Variants in KMT2C observed in about 807,000 individuals in gnomAD.
The protein encoded by KMT2C is histone-lysine N-methyltransferase 2C.
A neutral mutation model predicts 507.9 loss-of-function variants in KMT2C; 88 were observed. The observed-to-expected ratio is 0.17, with a 90% CI of 0.15 to 0.21. KMT2C has a LOEUF of 0.21. Ranked by LOEUF, KMT2C falls within the 10% of genes least tolerant of loss-of-function variation. The probability of loss-of-function intolerance (pLI) is 1.00; values close to 1 mark genes in which losing one functional copy is unlikely to be tolerated. For missense variants in KMT2C, 4,954 were observed against 5,957.8 expected, an observed-to-expected ratio of 0.83 and a Z score of 5.55; for synonymous variants, 2,049 against 2,080.8, an observed-to-expected ratio of 0.98 and a Z score of 0.42.
At position 152,177,986 on chromosome 7, in the gene KMT2C, A is replaced by G. The variant is rs2129115758; in HGVS notation, c.7467T>C (p.His2489=). Residue 2489 remains histidine (H), a synonymous_variant, in exon 38 of 59, where the codon CAT becomes CAC. Transcript: ENST00000262189. ...AGCGCTCTTGACTCGGCATGGTACC[A>G]TGACTACCTCCTGGAAATCCAAATC... ...GFRFGFPGGS[H]GTMPSQERFL... 2 of 1,339,598 alleles carry G rather than the reference A, an allele frequency of 1.5e-6. No individual in the cohort carries two copies. Among genetic ancestry groups the G allele is most frequent in the Non-Finnish European group, 1.9e-6 (2 of 1,040,918 alleles). The allele number at this position is 1,339,598 out of a possible 1,614,324, so 83.0% of individuals were successfully genotyped here. A position where few individuals can be genotyped will look rare whatever the true frequency, so the allele number is the denominator to read the frequency against.
At chr7:152,241,368 T>A (rs1299522230) in intron 14 of KMT2C, among the ~76,000 whole-genome samples, 5 of 152,248 alleles carry the variant, frequency 3.3e-5, no homozygotes, top group African/African-American at 1.2e-4. Context: ...GCCCAGCTAA[T>A]TTTTGTATTT....
At chr7:152,369,606 C>G (rs988882142) in intron 1 of KMT2C, among the ~76,000 whole-genome samples, 4 of 152,142 alleles carry the variant, frequency 2.6e-5, no homozygotes. Flanking sequence ...TAATGTCGTT[C>G]TGAAAGGAGT....
intron 1 of KMT2C, chr7:152,368,087 T>C: frequency 1.1e-6 from 1 of 911,570 alleles, no homozygotes; most frequent in Non-Finnish European, 1.9e-6. Flanking sequence ...GTTTACCTCT[T>C]GCTGTGGTAA....
At position 152,187,726 on chromosome 7, in the gene KMT2C, A is replaced by G. The variant is rs756219907; in HGVS notation, c.4782T>C (p.Tyr1594=). 16 of 1,613,978 alleles carry G rather than the reference A, an allele frequency of 9.9e-6. No homozygotes were observed. Among genetic ancestry groups the G allele is most frequent in the Non-Finnish European group, 1.4e-5 (16 of 1,179,998 alleles). The change falls in exon 32 of 59, where the codon TAT becomes TAC. Residue 1594 remains tyrosine (Y), a synonymous_variant. Transcript: ENST00000262189. ...GTFSAIAQSS[Y]PDARDKNSAF... ...AATAAGGCTTGTACCTGGCATCAGG[A>G]TAAGAGGATTGTGCAATTGCAGAGA...
At chr7:152,362,601 G>T (rs183502500) in intron 1 of KMT2C, among the ~76,000 whole-genome samples, 25 of 152,212 alleles carry the variant, frequency 1.6e-4, no homozygotes, top group African/African-American at 5.8e-4. Context: ...CACTTTTAAA[G>T]AAATTGGAAA....
intron 14 of KMT2C, among the ~76,000 whole-genome samples, chr7:152,243,966 T>A (rs192780723): frequency 1.3e-5 from 2 of 152,178 alleles, no homozygotes; most frequent in Non-Finnish European, 2.9e-5. Flanking sequence ...TGATGATACA[T>A]ACAGGGTAAA....
chr7:152,394,467 G>A (rs746118560), intron 1 of KMT2C, among the ~76,000 whole-genome samples: 22 of 152,080 alleles, frequency 1.4e-4, no homozygotes, highest in African/African-American at 4.6e-4. Flanking sequence ...ACTGTTCCCC[G>A]CATCAGCAAT....
At chr7:152,241,677 C>G (rs1277455881) in intron 14 of KMT2C, among the ~76,000 whole-genome samples, 3 of 152,154 alleles carry the variant, frequency 2.0e-5, no homozygotes, top group Admixed American at 6.5e-5. Context: ...GCAAAAGATA[C>G]CTAAATTACT....
At chr7:152,159,960 G>A (rs1468282367) in intron 43 of KMT2C, among the ~76,000 whole-genome samples, 1 of 152,132 alleles carries the variant, frequency 6.6e-6, no homozygotes, top group African/African-American at 2.4e-5. Context: ...TTTATGTAAA[G>A]AGCCAGATGA....
At chr7:152,257,123 T>C (rs113276859) in intron 9 of KMT2C, among the ~76,000 whole-genome samples, 3 of 152,176 alleles carry the variant, frequency 2.0e-5, no homozygotes, top group Admixed American at 1.3e-4. Context: ...GCACAGGCCA[T>C]TGGTTGAGTA....
At chr7:152,390,165 T>C (rs1189171643) in intron 1 of KMT2C, among the ~76,000 whole-genome samples, 1 of 152,114 alleles carries the variant, frequency 6.6e-6, no homozygotes, top group African/African-American at 2.4e-5. Flanking sequence ...CATTACATAA[T>C]CTAGCCATGT....
At chr7:152,375,802 G>A (rs2097324944) in intron 1 of KMT2C, among the ~76,000 whole-genome samples, 1 of 152,086 alleles carries the variant, frequency 6.6e-6, no homozygotes, top group African/African-American at 2.4e-5. Flanking sequence ...ATCTGTGATA[G>A]TGATCTACGA....
At chr7:152,330,170 G>GA (rs2096868836) in intron 3 of KMT2C, among the ~76,000 whole-genome samples, 1 of 64,846 alleles carries the variant, frequency 1.5e-5, no homozygotes, top group Non-Finnish European at 3.8e-5. Flanking sequence ...GAGGGGTGGT[G>GA]GGGGGGGGGA....
At chr7:152,218,591 C>T (rs1396171755) in intron 23 of KMT2C, among the ~76,000 whole-genome samples, 1 of 152,194 alleles carries the variant, frequency 6.6e-6, no homozygotes, top group Non-Finnish European at 1.5e-5. Context: ...GAGTGTTCCT[C>T]TTAAAATATA....
chr7:152,140,535 T>C (rs2129090452), intron 55 of KMT2C, among the ~76,000 whole-genome samples: 1 of 152,302 alleles, frequency 6.6e-6, no homozygotes, highest in Non-Finnish European at 1.5e-5. Flanking sequence ...TAAATAGTTG[T>C]ATTTTCTTGT....
rs2129103910 is a variant in KMT2C at position 152,162,646 on chromosome 7, G to A, written c.10931C>T (p.Pro3644Leu). Residue 3644 changes from proline to leucine, a missense_variant, in exon 43 of 59, where the codon CCT (proline) becomes CTT (leucine). Physicochemically the swap from Pro to Leu is moderately conservative, Grantham distance 98 (BLOSUM62 -3). Transcript: ENST00000262189. ...TPGISETTST[P>L]AVSTPSELPQ... ...AAGCTCACTGGGTGTGCTCACTGCAGGAGTAGAGGTAGTTTCTGAGATGCC... is the reference window on the plus strand; with the variant it reads ...AAGCTCACTGGGTGTGCTCACTGCAAGAGTAGAGGTAGTTTCTGAGATGCC... 1 of 1,614,242 alleles carries A rather than the reference G, an allele frequency of 6.2e-7. No homozygotes were observed. Among genetic ancestry groups the A allele is most frequent in the Non-Finnish European group, 8.5e-7 (1 of 1,180,040 alleles).
intron 1 of KMT2C, among the ~76,000 whole-genome samples, chr7:152,416,177 G>A (rs1481227164): frequency 6.6e-6 from 1 of 152,178 alleles, no homozygotes; most frequent in Non-Finnish European, 1.5e-5. Context: ...ATCACTTGAG[G>A]TCAGGAGTTC....
intron 1 of KMT2C, among the ~76,000 whole-genome samples, chr7:152,392,307 T>C (rs547268255): frequency 1.3e-5 from 2 of 152,192 alleles, no homozygotes; most frequent in Non-Finnish European, 2.9e-5. Context: ...ATACTACTAC[T>C]TCTTTATTTT....
At chr7:152,186,630 A>G (rs543496211) in intron 33 of KMT2C, among the ~76,000 whole-genome samples, 2 of 152,262 alleles carry the variant, frequency 1.3e-5, no homozygotes, top group Non-Finnish European at 2.9e-5. Flanking sequence ...ATTGATAGAT[A>G]GCTGGGAAAC....
Sources: gnomAD v4.1 joint callset for allele counts (sites outside exome capture counted in the v4.1 genomes callset) on GRCh38, gnomAD v4.1.1 for gene constraint, MANE v1.5 for transcripts, NCBI Gene and HGNC (gene_info 2026-07-23, HGNC 2026-07-21) for gene names.